Variants in OPCML observed in about 807,000 individuals in gnomAD.
OPCML encodes opioid binding protein/cell adhesion molecule like, also known as opioid-binding protein/cell adhesion molecule.
In OPCML, 13 loss-of-function variants were observed where a neutral mutation model predicts 37.8. The observed-to-expected ratio is 0.34, with a 90% CI of 0.22 to 0.55. The LOEUF (loss-of-function observed/expected upper bound fraction) is 0.55, where lower values mean the gene tolerates loss of function less well. OPCML is among the 20% of genes least tolerant of loss of function. The probability of loss-of-function intolerance (pLI) is 0.91; values close to 1 mark genes in which losing one functional copy is unlikely to be tolerated. For missense variants in OPCML, 341 were observed against 435.6 expected (o/e 0.78, Z 1.93); for synonymous variants, 176 against 168.8 (o/e 1.04, Z -0.33).
chr11:132,840,189 A>G (rs1941227608), intron 2 of OPCML, among the ~76,000 whole-genome samples: 1 of 152,262 alleles, frequency 6.6e-6, no homozygotes, highest in African/African-American at 2.4e-5. Context: ...AAAACTTCTG[A>G]CGGCATTTAG....
chr11:133,179,402 T>C (rs189945074), intron 1 of OPCML, among the ~76,000 whole-genome samples: 5 of 151,846 alleles, frequency 3.3e-5, no homozygotes, highest in Admixed American at 1.3e-4. Context: ...GACAAAGTGT[T>C]TTCTCCAGCA....
intron 1 of OPCML, among the ~76,000 whole-genome samples, chr11:133,224,943 A>G (rs1315739215): frequency 6.6e-6 from 1 of 152,142 alleles, no homozygotes; most frequent in Admixed American, 6.5e-5. Flanking sequence ...TCCCAAGCTC[A>G]GAGGTACCTG....
chr11:133,239,797 G>A (rs1940657224), intron 1 of OPCML, among the ~76,000 whole-genome samples: 5 of 152,128 alleles, frequency 3.3e-5, no homozygotes, highest in Admixed American at 2.6e-4. Flanking sequence ...AGCGGGAGAT[G>A]GAGAGAGCTC....
chr11:132,999,567 GTC>G (rs1491236064), intron 1 of OPCML, among the ~76,000 whole-genome samples: 27,260 of 145,636 alleles, frequency 0.19, 2,959 homozygotes, highest in Admixed American at 0.32. Context: ...GACAAATGGG[GTC>G]GGGGGGGGAA....
intron 1 of OPCML, among the ~76,000 whole-genome samples, chr11:133,499,245 G>A (rs1947852457): frequency 6.6e-6 from 1 of 152,148 alleles, no homozygotes. Context: ...GGGATTTCGG[G>A]CGAGGGGCAG....
At chr11:132,463,548 G>GAGA (rs961552389) in intron 4 of OPCML, among the ~76,000 whole-genome samples, 2 of 152,192 alleles carry the variant, frequency 1.3e-5, no homozygotes, top group Admixed American at 1.3e-4. Context: ...CATCACCCTT[G>GAGA]AGAAGCCCTG....
chr11:133,113,784 A>C (rs4536228), intron 1 of OPCML, among the ~76,000 whole-genome samples: 100,188 of 152,146 alleles, frequency 0.66, 33,180 homozygotes, highest in East Asian at 0.78. Context: ...CTTTCCCCAC[A>C]GTGTGAATAA....
chr11:133,485,723 A>T (rs1318201556), intron 1 of OPCML, among the ~76,000 whole-genome samples: 1 of 152,204 alleles, frequency 6.6e-6, no homozygotes, highest in Admixed American at 6.5e-5. Context: ...GCTAAAAATT[A>T]TTTATAACAA....
At chr11:132,917,459 T>C (rs540577564) in intron 2 of OPCML, among the ~76,000 whole-genome samples, 88 of 152,326 alleles carry the variant, frequency 5.8e-4, no homozygotes, top group South Asian at 4.6e-3. Context: ...TTCCTCTCTA[T>C]GCTCTGAAAG....
intron 1 of OPCML, among the ~76,000 whole-genome samples, chr11:133,466,225 A>G (rs1003739561): frequency 6.6e-6 from 1 of 152,232 alleles, no homozygotes; most frequent in Non-Finnish European, 1.5e-5. Context: ...GGGAAGGAGC[A>G]TGAGACAAAG....
At chr11:133,008,990 G>A in intron 1 of OPCML, 3 of 985,394 alleles carry the variant, frequency 3.0e-6, no homozygotes, top group Non-Finnish European at 3.6e-6. Context: ...GACATGGACT[G>A]ACATGGATTA....
intron 2 of OPCML, among the ~76,000 whole-genome samples, chr11:132,928,606 T>C (rs896157389): frequency 6.6e-6 from 1 of 151,976 alleles, no homozygotes; most frequent in Non-Finnish European, 1.5e-5. Flanking sequence ...TGAACAACAC[T>C]ACAGACCAAT....
intron 1 of OPCML, among the ~76,000 whole-genome samples, chr11:133,105,709 G>T (rs1016466386): frequency 1.3e-5 from 2 of 152,166 alleles, no homozygotes; most frequent in South Asian, 4.1e-4. Flanking sequence ...GGCTGGGCAC[G>T]GTAGCTCATG....
chr11:132,598,638 T>C (rs922445457), intron 3 of OPCML, among the ~76,000 whole-genome samples: 14 of 152,168 alleles, frequency 9.2e-5, no homozygotes, highest in African/African-American at 3.4e-4. Flanking sequence ...AAAATAGATT[T>C]GCACTATAAT....
chr11:132,447,345 C>A (rs2096058070), intron 4 of OPCML, among the ~76,000 whole-genome samples: 1 of 152,182 alleles, frequency 6.6e-6, no homozygotes, highest in Admixed American at 6.5e-5. Flanking sequence ...CTTGCCCAGA[C>A]AGGAGTGCAG....
chr11:132,596,322 A>G (rs1049774771), intron 3 of OPCML, among the ~76,000 whole-genome samples: 1 of 152,182 alleles, frequency 6.6e-6, no homozygotes, highest in Non-Finnish European at 1.5e-5. Flanking sequence ...TGCCCTATCT[A>G]TATTTTTATT....
In OPCML at chr11:132,997,202, C is replaced by T. The variant is rs140720944; in HGVS notation, c.62-54192G>A. The stretch of plus-strand genomic sequence containing the variant: ...TCACTCCTGTGCCCTCGCCCTCACA[C>T]GTATCTGCACATGAGTCACACATAT... On this transcript the variant is annotated intron_variant, in intron 1 of 7. Transcript: ENST00000524381. 1.1e-3 allele frequency among the ~76,000 whole-genome samples: 164 copies of T among 152,334 alleles called. 2 individuals are homozygous for T. Among genetic ancestry groups the T allele is most frequent in the Middle Eastern group, 3.4e-3 (1 of 294 alleles).
intron 1 of OPCML, among the ~76,000 whole-genome samples, chr11:133,413,519 A>C (rs1335764892): frequency 1.3e-5 from 2 of 151,726 alleles, no homozygotes; most frequent in African/African-American, 2.4e-5. Context: ...AAAAACAAAC[A>C]AAAAAAAGAA....
chr11:133,376,222 C>T (rs1944801046), intron 1 of OPCML, among the ~76,000 whole-genome samples: 1 of 151,812 alleles, frequency 6.6e-6, no homozygotes, highest in Non-Finnish European at 1.5e-5. Context: ...TTGTAATAAA[C>T]AATACCTAAA....
Sources: allele counts gnomAD v4.1 joint callset (sites outside exome capture counted in the v4.1 genomes callset), GRCh38; gene constraint gnomAD v4.1.1; transcripts MANE v1.5; gene names NCBI Gene and HGNC (gene_info 2026-07-23, HGNC 2026-07-21).